KCNIP4: variants seen among roughly 807,000 people sequenced by gnomAD.
KCNIP4 encodes the protein Kv channel-interacting protein 4.
A neutral mutation model predicts 34.0 loss-of-function variants in KCNIP4; 12 were observed. The observed-to-expected ratio is 0.35, with a 90% CI of 0.23 to 0.57. The LOEUF is 0.57. Ranked by LOEUF, KCNIP4 falls within the 20% of genes least tolerant of loss-of-function variation. The pLI, the probability that KCNIP4 is intolerant of heterozygous loss-of-function variation, is 0.83. For synonymous variants in KCNIP4, 124 were observed against 102.2 expected (o/e 1.21, Z -1.29); for missense variants, 238 against 311.7 (o/e 0.76, Z 1.78).
intron 1 of KCNIP4, among the ~76,000 whole-genome samples, chr4:21,577,354 G>C (rs553348856): frequency 6.6e-6 from 1 of 152,116 alleles, no homozygotes; most frequent in Non-Finnish European, 1.5e-5. Context: ...TTCCAGCTGC[G>C]CACTGTGGCT....
At chr4:21,617,095 T>C (rs1395965869) in intron 1 of KCNIP4, among the ~76,000 whole-genome samples, 1 of 152,198 alleles carries the variant, frequency 6.6e-6, no homozygotes, top group Non-Finnish European at 1.5e-5. Flanking sequence ...AAGACAAATG[T>C]AGCTGCCTTG....
At chr4:21,270,457 C>T (rs564104365) in intron 1 of KCNIP4, among the ~76,000 whole-genome samples, 7 of 152,250 alleles carry the variant, frequency 4.6e-5, no homozygotes, top group South Asian at 4.1e-4. Context: ...TAAAACCATG[C>T]TACTGATTGT....
chr4:21,651,494 A>G (rs536126306), intron 1 of KCNIP4, among the ~76,000 whole-genome samples: 18 of 152,194 alleles, frequency 1.2e-4, no homozygotes, highest in Non-Finnish European at 2.4e-4. Context: ...TGTTAACTGC[A>G]ATTTACCACT....
intron 3 of KCNIP4, among the ~76,000 whole-genome samples, chr4:20,846,574 A>T (rs56330937): frequency 6.6e-6 from 1 of 151,892 alleles, no homozygotes; most frequent in African/African-American, 2.4e-5. Flanking sequence ...GATTAAAAAA[A>T]AGAAGAATTC....
At chr4:20,843,877 C>T (rs976871227) in intron 3 of KCNIP4, among the ~76,000 whole-genome samples, 1 of 152,192 alleles carries the variant, frequency 6.6e-6, no homozygotes, top group African/African-American at 2.4e-5. Context: ...ATTTCGTTCA[C>T]ACCAACATAA....
chr4:21,082,548 C>T (rs1746088787), intron 1 of KCNIP4, among the ~76,000 whole-genome samples: 1 of 151,666 alleles, frequency 6.6e-6, no homozygotes, highest in Non-Finnish European at 1.5e-5. Context: ...AGACATCTGC[C>T]TTAAAGAGAA....
intron 1 of KCNIP4, among the ~76,000 whole-genome samples, chr4:21,571,178 CT>C (rs1430243015): frequency 1.3e-5 from 2 of 152,154 alleles, no homozygotes; most frequent in East Asian, 3.9e-4. Context: ...CGCCTTCTCA[CT>C]TCTTTAGGTT....
intron 1 of KCNIP4, among the ~76,000 whole-genome samples, chr4:21,174,298 A>AT (rs952919515): frequency 1.3e-5 from 2 of 152,220 alleles, no homozygotes; most frequent in Admixed American, 6.5e-5. Flanking sequence ...GGTATTTTAG[A>AT]TAAAAACAAG....
intron 1 of KCNIP4, among the ~76,000 whole-genome samples, chr4:21,444,886 C>G (rs1321153941): frequency 6.6e-6 from 1 of 152,320 alleles, no homozygotes; most frequent in African/African-American, 2.4e-5. Flanking sequence ...CCCATCATCT[C>G]AGCCCCAAAT....
chr4:20,914,403 G>C (rs376358840), intron 1 of KCNIP4, among the ~76,000 whole-genome samples: 1 of 152,046 alleles, frequency 6.6e-6, no homozygotes, highest in African/African-American at 2.4e-5. Context: ...AAGAGACCCC[G>C]GAGAGCTCCC....
intron 1 of KCNIP4, among the ~76,000 whole-genome samples, chr4:21,615,470 T>C (rs1375729332): frequency 2.0e-5 from 3 of 151,498 alleles, no homozygotes; most frequent in East Asian, 3.9e-4. Flanking sequence ...GGCGTTTACC[T>C]GGGAGGTAGA....
chr4:21,331,469 C>T lies in KCNIP4; in HGVS notation c.62-448760G>A, dbSNP rs114460844. 5.4e-3 allele frequency among the ~76,000 whole-genome samples: 818 copies of T among 152,188 alleles called. 6 individuals carry two copies. Among genetic ancestry groups the T allele is most frequent in the African/African-American group, 0.019 (771 of 41,546 alleles). On this transcript the variant is annotated intron_variant, in intron 1 of 8. Transcript: ENST00000382152. The stretch of plus-strand genomic sequence containing the variant: ...TATATTTTGTATCTCATTTTGACAA[C>T]ATGAAATCTATGCACAAGGAGTCAT...
At chr4:20,983,860 T>C (rs1043887693) in intron 1 of KCNIP4, 1 of 1,536,266 alleles carries the variant, frequency 6.5e-7, no homozygotes, top group Admixed American at 2.0e-5. Context: ...GCTTCAGAGA[T>C]GCACATATAA....
chr4:21,036,899 G>A (rs1400997934), intron 1 of KCNIP4, among the ~76,000 whole-genome samples: 1 of 152,238 alleles, frequency 6.6e-6, no homozygotes, highest in Non-Finnish European at 1.5e-5. Flanking sequence ...TAGTGACATT[G>A]TAGACCTTTC....
At chr4:20,931,722 C>A (rs941501373) in intron 1 of KCNIP4, among the ~76,000 whole-genome samples, 3 of 151,926 alleles carry the variant, frequency 2.0e-5, no homozygotes, top group African/African-American at 7.3e-5. Context: ...AATGTAGAAT[C>A]TTAAAAAAGA....
In KCNIP4 at chr4:21,924,978, T is replaced by C. The variant is rs545587910; in HGVS notation, c.61+23593A>G. On this transcript the variant is annotated intron_variant, in intron 1 of 8. Coordinates refer to ENST00000382152, the MANE Select transcript of KCNIP4 (RefSeq NM_025221.6). ...TGATCTCTAGCATGCATTTTCCTAA[T>C]CTCTCTTGCATCACCTCTCTTCTCT... 2.0e-5 allele frequency among the ~76,000 whole-genome samples: 3 copies of C among 152,196 alleles called. No homozygotes were observed. The South Asian group carries it at 6.2e-4, about 32-fold the overall frequency.
chr4:21,152,618 AT>A (rs1434245840), intron 1 of KCNIP4, among the ~76,000 whole-genome samples: 2 of 151,744 alleles, frequency 1.3e-5, no homozygotes, highest in African/African-American at 2.4e-5. Flanking sequence ...TACCCAGGAG[AT>A]TTTCCCACTG....
At position 20,728,925 on chromosome 4, in the gene KCNIP4, A is replaced by AAAAT. The variant is rs1457887909; in HGVS notation, c.*1153_*1156dup. On this transcript the variant is annotated 3_prime_UTR_variant, in exon 9 of 9. Coordinates refer to ENST00000382152, the MANE Select transcript of KCNIP4 (RefSeq NM_025221.6). The stretch of plus-strand genomic sequence containing the variant: ...TTTACAGTTTTGGCTAAGATGATTA[A>AAAAT]AAATAATCTGAATTATGATGAGCTA... 1 of 152,314 alleles carries AAAAT rather than the reference A, an allele frequency of 6.6e-6. No individual in the cohort carries two copies. The highest frequency in any genetic ancestry group is 1.5e-5 in the Non-Finnish European group (1 of 68,038). 9.4% of individuals were successfully genotyped at this position (152,314 alleles called of 1,614,324 possible).
intron 1 of KCNIP4, among the ~76,000 whole-genome samples, chr4:21,314,718 A>G (rs1713549977): frequency 6.6e-6 from 1 of 152,196 alleles, no homozygotes; most frequent in South Asian, 2.1e-4. Context: ...AGGAAAGGAG[A>G]ATGGCCAGAA....
Sources: gnomAD v4.1 joint callset for allele counts (sites outside exome capture counted in the v4.1 genomes callset) on GRCh38, gnomAD v4.1.1 for gene constraint, MANE v1.5 for transcripts, NCBI Gene and HGNC (gene_info 2026-07-23, HGNC 2026-07-21) for gene names.